The following AP1G1 variants were observed in gnomAD, a reference collection of about 807,000 sequenced individuals.
AP1G1 encodes the protein adaptor related protein complex 1 subunit gamma 1.
AP1G1 carries 7 observed loss-of-function variants against 108.3 expected under a neutral mutation model. The observed-to-expected ratio is 0.06, with a 90% CI of 0.04 to 0.12. The LOEUF is 0.12. Ranked by LOEUF, AP1G1 falls within the 10% of genes least tolerant of loss-of-function variation. AP1G1 has a pLI of 1.00. For missense variants in AP1G1, 756 were observed against 1,010.7 expected (o/e 0.75, Z 3.42); for synonymous variants, 379 against 353.5 (o/e 1.07, Z -0.81).
At chr16:71,806,716 T>C (rs1049720375) in intron 1 of AP1G1, 10 of 1,288,398 alleles carry the variant, frequency 7.8e-6, no homozygotes, top group South Asian at 4.9e-5. Context: ...AGGTGTTCAG[T>C]GTTTGACAGT....
At chr16:71,780,026 C>G (rs1313506265) in intron 2 of AP1G1, among the ~76,000 whole-genome samples, 2 of 142,306 alleles carry the variant, frequency 1.4e-5, no homozygotes, top group Non-Finnish European at 3.0e-5. Flanking sequence ...CGAAGTCTGG[C>G]TCTGTCACCC....
intron 2 of AP1G1, among the ~76,000 whole-genome samples, chr16:71,781,614 T>C (rs1229639113): frequency 6.6e-6 from 1 of 152,170 alleles, no homozygotes; most frequent in Non-Finnish European, 1.5e-5. Flanking sequence ...TCAAACTGTA[T>C]TCCCGCTCTT....
chr16:71,745,360 G>A, intron 18 of AP1G1, 90 bp from the exon 19 acceptor site: 1 of 1,600,292 alleles, frequency 6.2e-7, no homozygotes. Flanking sequence ...TAAAAATAAG[G>A]AAGGAAATCA....
intron 21 of AP1G1, among the ~76,000 whole-genome samples, chr16:71,736,752 ATTT>A (rs10590605): frequency 1.0e-3 from 124 of 123,910 alleles, no homozygotes; most frequent in African/African-American, 1.7e-3. Flanking sequence ...CGCCCGGCTA[ATTT>A]TTTTTTTTTT....
At chr16:71,750,129 G>A in intron 14 of AP1G1, 81 bp downstream of exon 14, 1 of 1,542,566 alleles carries the variant, frequency 6.5e-7, no homozygotes, top group Non-Finnish European at 8.9e-7. Flanking sequence ...GGAGAGAGGA[G>A]GGGGGAAAAA....
At chr16:71,800,439 T>C (rs886238231) in intron 1 of AP1G1, among the ~76,000 whole-genome samples, 3 of 151,148 alleles carry the variant, frequency 2.0e-5, no homozygotes, top group South Asian at 2.1e-4. Flanking sequence ...CCTAGCACTT[T>C]GGGAGGCCAA....
intron 1 of AP1G1, among the ~76,000 whole-genome samples, chr16:71,792,424 G>T (rs1223856022): frequency 6.6e-6 from 1 of 152,132 alleles, no homozygotes; most frequent in African/African-American, 2.4e-5. Flanking sequence ...ATATAAGAAA[G>T]TCTATTCTGA....
chr16:71,761,453 G>A (rs1484095222), intron 10 of AP1G1, 59 bp downstream of exon 10: 13 of 1,182,372 alleles, frequency 1.1e-5, no homozygotes, highest in South Asian at 5.0e-5. Context: ...GAGCAGAATC[G>A]CTCTTAAAAT....
chr16:71,758,305 T>C (rs7185997), intron 11 of AP1G1: 151,268 of 416,080 alleles, frequency 0.36, 30,283 homozygotes, highest in East Asian at 0.76. Flanking sequence ...TTTATGCTTT[T>C]TGAGAGTGCT....
At position 71,739,084 on chromosome 16, in the gene AP1G1, G is replaced by A; in HGVS notation, c.2126C>T (p.Ala709Val). The A allele has an allele frequency of 6.2e-7, 1 of 1,614,226 alleles. No homozygotes were observed. Among genetic ancestry groups the A allele is most frequent in the Non-Finnish European group, 8.5e-7 (1 of 1,180,040 alleles). Residue 709 changes from alanine to valine, a missense_variant, in exon 21 of 23, where the codon GCA becomes GTA. Transcript: ENST00000299980. ...TATCTTCAAGCCATTCTTACTGTAT[G>A]CTGTGATGGAGGGGATGCCTGAGAA... ...DIAAGIPSIT[A>V]YSKNGLKIEF... is the part of the protein sequence containing the mutation.
At chr16:71,733,414 A>C (rs1298987959) in intron 22 of AP1G1, among the ~76,000 whole-genome samples, 1 of 152,124 alleles carries the variant, frequency 6.6e-6, no homozygotes, top group East Asian at 1.9e-4. Flanking sequence ...ACTGCATTAA[A>C]AGGACAGAAC....
In AP1G1 at chr16:71,794,835, CTTTTTTTTTTTTTTTT is replaced by C. The variant is rs55761928; in HGVS notation, c.-3-5369_-3-5354del. Reference sequence around the variant, plus strand: ...TACCATTCTCAGGCCATGAGAAGTGCTTTTTTTTTTTTTTTTTTTTTTTTTTTTTACTTTGAAATGC... The same window carrying C: ...TACCATTCTCAGGCCATGAGAAGTGCTTTTTTTTTTTTTACTTTGAAATGC... On this transcript the variant is annotated intron_variant, in intron 1 of 22. Transcript: ENST00000299980. 1.2e-3 allele frequency among the ~76,000 whole-genome samples: 49 copies of C among 39,662 alleles called. 2 individuals carry two copies. The highest frequency in any genetic ancestry group is 1.8e-3 in the Non-Finnish European group (42 of 23,476). 26.0% of individuals were successfully genotyped at this position (39,662 alleles called of 152,430 possible). A position where few individuals can be genotyped will look rare whatever the true frequency, so the allele number is the denominator to read the frequency against.
chr16:71,801,626 T>C (rs1220048192), intron 1 of AP1G1, among the ~76,000 whole-genome samples: 1 of 151,958 alleles, frequency 6.6e-6, no homozygotes, highest in Non-Finnish European at 1.5e-5. Context: ...ACATGATGCT[T>C]GAAGAAATGC....
At chr16:71,772,276 C>T (rs1416820714) in intron 4 of AP1G1, among the ~76,000 whole-genome samples, 3 of 152,034 alleles carry the variant, frequency 2.0e-5, no homozygotes, top group Admixed American at 6.6e-5. Flanking sequence ...TACAGGCGCC[C>T]GCCACCACGC....
chr16:71,771,273 G>C (rs2031558535), intron 4 of AP1G1, 21 bp from the exon 5 acceptor site: 4 of 1,389,046 alleles, frequency 2.9e-6, no homozygotes, highest in Non-Finnish European at 2.9e-6. Context: ...AAAAATAAAA[G>C]AACAAAAGGT....
chr16:71,786,738 C>G (rs1015781888), intron 2 of AP1G1, among the ~76,000 whole-genome samples: 1 of 152,042 alleles, frequency 6.6e-6, no homozygotes, highest in Non-Finnish European at 1.5e-5. Context: ...GGTGTACAGG[C>G]GTGAGCCACC....
At chr16:71,776,871 AGGCCAAG>A (rs764793416) in intron 2 of AP1G1, among the ~76,000 whole-genome samples, 142 of 152,070 alleles carry the variant, frequency 9.3e-4, no homozygotes, top group Middle Eastern at 3.4e-3. Flanking sequence ...GCACTTTGGG[AGGCCAAG>A]GTGGATGGAT....
In AP1G1 at chr16:71,769,671, G is replaced by A. The variant is rs1438216585; in HGVS notation, c.594C>T (p.Leu198=). Residue 198 remains leucine, a synonymous_variant, in exon 6 of 23, where the codon CTC becomes CTT. Transcript: ENST00000299980. Reference sequence around the variant, plus strand: ...CTGGGCTTCGCTCACACATTTCTGTGAGGAGGACTACAGATGTGTGGAGGA... The same window carrying A: ...CTGGGCTTCGCTCACACATTTCTGTAAGGAGGACTACAGATGTGTGGAGGA... ...HGVLHTSVVL[L]TEMCERSPDM... is the part of the protein sequence containing the mutation. 4 of 1,613,516 alleles carry A rather than the reference G, an allele frequency of 2.5e-6. No homozygotes were observed. In the South Asian group the frequency reaches 3.3e-5, roughly 13 times the overall value.
intron 19 of AP1G1, among the ~76,000 whole-genome samples, chr16:71,741,972 T>C (rs1376948708): frequency 6.6e-6 from 1 of 152,214 alleles, no homozygotes; most frequent in African/African-American, 2.4e-5. Context: ...GTTAAATCTA[T>C]TCTGAATTTC....
Sources: allele counts gnomAD v4.1 joint callset (sites outside exome capture counted in the v4.1 genomes callset), GRCh38; gene constraint gnomAD v4.1.1; transcripts MANE v1.5; gene names NCBI Gene and HGNC (gene_info 2026-07-23, HGNC 2026-07-21).